The following PNKD variants were observed in gnomAD, a reference collection of about 807,000 sequenced individuals.
PNKD encodes probable thioesterase PNKD.
In PNKD, 36 loss-of-function variants were observed where a neutral mutation model predicts 45.3. The observed-to-expected ratio is 0.80, with a 90% CI of 0.61 to 1.05. The LOEUF is 1.05. Among genes scored for constraint, PNKD ranks in the 50% least tolerant of loss-of-function variants. PNKD has a pLI of 0.00. For synonymous variants in PNKD, 197 were observed against 210.1 expected (o/e 0.94, Z 0.54); for missense variants, 511 against 506.6 (o/e 1.01, Z -0.08).
At chr2:218,309,603 G>T (rs554737733) in intron 2 of PNKD, among the ~76,000 whole-genome samples, 8 of 151,948 alleles carry the variant, frequency 5.3e-5, no homozygotes, top group Non-Finnish European at 1.2e-4. Context: ...TTTACCCAAA[G>T]TACTAGTTTG....
At chr2:218,280,120 C>T (rs772648346) in intron 2 of PNKD, 2 of 1,613,664 alleles carry the variant, frequency 1.2e-6, no homozygotes, top group Admixed American at 3.3e-5. Context: ...ATAGCCATGG[C>T]CTGGGCCTAG....
At chr2:218,290,668 A>G (rs1403246642) in intron 2 of PNKD, among the ~76,000 whole-genome samples, 1 of 152,238 alleles carries the variant, frequency 6.6e-6, no homozygotes, top group Non-Finnish European at 1.5e-5. Context: ...GGCAAAGCAC[A>G]AATCATTACA....
intron 2 of PNKD, chr2:218,280,805 CTTT>C (rs950294415): frequency 3.8e-5 from 4 of 104,036 alleles, no homozygotes; most frequent in South Asian, 5.7e-4. Flanking sequence ...ACCTCATTTC[CTTT>C]TTTTTTTTTT....
In PNKD at chr2:218,345,283, T is replaced by G; in HGVS notation, c.*302T>G. 1 of 345,724 alleles carries G rather than the reference T, an allele frequency of 2.9e-6. No homozygotes were observed. The allele number at this position is 345,724 out of a possible 1,614,324, so 21.4% of individuals were successfully genotyped here. A position where few individuals can be genotyped will look rare whatever the true frequency, so the allele number is the denominator to read the frequency against. On this transcript the variant is annotated 3_prime_UTR_variant, in exon 10 of 10. Transcript: ENST00000273077. ...CTGGGAGGGTCCCCTCCTCCTTCCC[T>G]ACTCCTGGGACGGCAGCAAGGACAT...
At chr2:218,296,246 A>C (rs1224276772) in intron 2 of PNKD, among the ~76,000 whole-genome samples, 4 of 152,232 alleles carry the variant, frequency 2.6e-5, no homozygotes, top group African/African-American at 9.6e-5. Context: ...TGAAATTCAC[A>C]TTTAACTGGT....
rs1395679826 is a variant in PNKD, at chr2:218,293,924, A to AT, written c.236+22378dup. On this transcript the variant is annotated intron_variant, in intron 2 of 9. Transcript: ENST00000273077. ...CACCACGTCCAGCCCCAAAACAGAGATTTAAAAAAAAAAAAAAAAAAAAAA... is the reference window on the plus strand; with the variant it reads ...CACCACGTCCAGCCCCAAAACAGAGATTTTAAAAAAAAAAAAAAAAAAAAAA... 1.0e-3 allele frequency among the ~76,000 whole-genome samples: 102 copies of AT among 99,220 alleles called. No homozygotes were observed. In the Middle Eastern group the frequency reaches 0.017, roughly 16 times the overall value. The allele number at this position is 99,220 out of a possible 152,430, so 65.1% of individuals were successfully genotyped here.
intron 2 of PNKD, chr2:218,272,542 A>C: frequency 6.2e-7 from 1 of 1,612,490 alleles, no homozygotes; most frequent in Non-Finnish European, 8.5e-7. Flanking sequence ...CCCCTCCCCA[A>C]ACCCCGTGCA....
intron 1 of PNKD, chr2:218,270,871 C>G (rs183544118): frequency 5.1e-6 from 2 of 389,960 alleles, no homozygotes; most frequent in Non-Finnish European, 9.1e-6. Context: ...TCACACTCAC[C>G]GCAGTGCAGA....
At chr2:218,313,495 A>C (rs940317447) in intron 2 of PNKD, among the ~76,000 whole-genome samples, 3 of 152,168 alleles carry the variant, frequency 2.0e-5, no homozygotes, top group African/African-American at 7.2e-5. Flanking sequence ...TCCAGGATCC[A>C]ATTCAGGATC....
intron 5 of PNKD, 63 bp from the exon 6 acceptor site, chr2:218,341,470 TA>T: frequency 9.2e-7 from 1 of 1,091,034 alleles, no homozygotes; most frequent in Non-Finnish European, 1.4e-6. Context: ...GATGCTGTGG[TA>T]AAGAAGGGGG....
intron 2 of PNKD, among the ~76,000 whole-genome samples, chr2:218,307,821 G>A (rs996638677): frequency 6.6e-6 from 1 of 152,150 alleles, no homozygotes; most frequent in African/African-American, 2.4e-5. Flanking sequence ...GAGAGCCAGA[G>A]AGACTGTGGC....
chr2:218,292,501 A>C (rs1693003940), intron 2 of PNKD: 1 of 151,902 alleles, frequency 6.6e-6, no homozygotes. Flanking sequence ...CTGGCCTCGG[A>C]GTGTTGCAAG....
In PNKD at chr2:218,315,120, C is replaced by CTTTCTTTCTTTCTTT. The variant is rs1553667879; in HGVS notation, c.237-24663_237-24662insTTTCTTTCTTTCTTT. Among the ~76,000 whole-genome samples the CTTTCTTTCTTTCTTT allele has an allele frequency of 4.9e-4, 23 of 47,174 alleles. No individual in the cohort carries two copies. In the South Asian group the frequency reaches 7.8e-3, roughly 16 times the overall value. 30.9% of individuals were successfully genotyped at this position (47,174 alleles called of 152,430 possible). Reference sequence around the variant, plus strand: ...TCCTTCCTTCCTTCCTTCCTTCCTTCCTTTCTTTCTTTCTTTCTTTCTTTC... The same window carrying CTTTCTTTCTTTCTTT: ...TCCTTCCTTCCTTCCTTCCTTCCTTCTTTCTTTCTTTCTTTCTTTCTTTCTTTCTTTCTTTCTTTC... On this transcript the variant is annotated intron_variant, in intron 2 of 9. Transcript: ENST00000273077.
Position 218,340,200 on chromosome 2 carries a change from G to T in PNKD, c.465+59G>T. 9.3e-7 allele frequency: 1 copy of T among 1,074,654 alleles called. No individual in the cohort carries two copies. The highest frequency in any genetic ancestry group is 1.4e-6 in the Non-Finnish European group (1 of 695,120). The allele number at this position is 1,074,654 out of a possible 1,614,324, so 66.6% of individuals were successfully genotyped here. A position where few individuals can be genotyped will look rare whatever the true frequency, so the allele number is the denominator to read the frequency against. ...AGTCACCTTGGGGACTGGCAGTTTC[G>T]CCTTGCTAGAGAGGGCTGACCCTTG... On this transcript the variant is annotated intron_variant, in intron 4 of 9. Coordinates refer to ENST00000273077, the MANE Select transcript of PNKD (RefSeq NM_015488.5). The surrounding 1 kb of genome is among the most constrained non-coding windows in gnomAD (Gnocchi z 4.2).
chr2:218,316,980 G>A (rs933542511), intron 2 of PNKD: 1 of 152,374 alleles, frequency 6.6e-6, no homozygotes, highest in Non-Finnish European at 1.5e-5. Context: ...TTGAGCCTAA[G>A]TTCAAATATA....
intron 2 of PNKD, among the ~76,000 whole-genome samples, chr2:218,327,463 G>A (rs114601859): frequency 0.013 from 2,025 of 152,146 alleles, 31 homozygotes; most frequent in African/African-American, 0.044. Flanking sequence ...TTTCCTTTCT[G>A]GGGCCTGTGG....
chr2:218,279,963 C>T, intron 2 of PNKD: 2 of 1,246,808 alleles, frequency 1.6e-6, no homozygotes, highest in East Asian at 2.3e-5. Context: ...TGTGGCCTAC[C>T]CACTTCCCAT....
intron 3 of PNKD, 36 bp downstream of exon 3, chr2:218,339,934 C>G (rs772829414): frequency 6.7e-7 from 1 of 1,485,082 alleles, no homozygotes; most frequent in Non-Finnish European, 9.3e-7. Context: ...ATCCCCCATT[C>G]TGTGCCCCCA....
chr2:218,323,108 G>A, intron 2 of PNKD: 2 of 1,195,744 alleles, frequency 1.7e-6, no homozygotes, highest in African/African-American at 1.6e-5. Context: ...CCGGCTGGAG[G>A]TGGTGAGGGG....
Sources: allele counts gnomAD v4.1 joint callset (sites outside exome capture counted in the v4.1 genomes callset), GRCh38; gene constraint gnomAD v4.1.1; non-coding constraint Gnocchi (gnomAD v3.1); transcripts MANE v1.5; gene names NCBI Gene and HGNC (gene_info 2026-07-23, HGNC 2026-07-21).